LDB2: variants seen among roughly 807,000 people sequenced by gnomAD.
LDB2 encodes LIM domain-binding protein 2.
In LDB2, 12 loss-of-function variants were observed where a neutral mutation model predicts 44.3. That is an observed-to-expected ratio of 0.27 (90% CI 0.17 to 0.44). The LOEUF is 0.44. Ranked by LOEUF, LDB2 falls within the 20% of genes least tolerant of loss-of-function variation. The pLI, the probability that LDB2 is intolerant of heterozygous loss-of-function variation, is 1.00. For synonymous variants in LDB2, 164 were observed against 174.8 expected, an observed-to-expected ratio of 0.94 and a Z score of 0.49; for missense variants, 344 against 473.5, an observed-to-expected ratio of 0.73 and a Z score of 2.54.
chr4:16,560,096 T>C (rs868242994), intron 5 of LDB2, among the ~76,000 whole-genome samples: 1 of 152,114 alleles, frequency 6.6e-6, no homozygotes, highest in Non-Finnish European at 1.5e-5. Context: ...TAGCACTAAA[T>C]GCCCACAAGA....
chr4:16,867,859 T>C (rs186970888), intron 1 of LDB2, among the ~76,000 whole-genome samples: 8 of 152,282 alleles, frequency 5.3e-5, no homozygotes, highest in East Asian at 1.9e-4. Flanking sequence ...CCTATGCACA[T>C]AGAAGATATC....
intron 2 of LDB2, among the ~76,000 whole-genome samples, chr4:16,681,326 A>G (rs1460149794): frequency 1.3e-5 from 2 of 152,220 alleles, no homozygotes; most frequent in African/African-American, 4.8e-5. Context: ...ATTTAGTTCT[A>G]TAACCATAGG....
chr4:16,885,154 TAAA>T (rs57704740), intron 1 of LDB2, among the ~76,000 whole-genome samples: 8 of 94,830 alleles, frequency 8.4e-5, no homozygotes, highest in East Asian at 6.9e-4. Flanking sequence ...ATACCACTTC[TAAA>T]AAAAAAAAAA....
At chr4:16,692,836 T>C (rs934347154) in intron 2 of LDB2, among the ~76,000 whole-genome samples, 3 of 152,246 alleles carry the variant, frequency 2.0e-5, no homozygotes, top group African/African-American at 7.2e-5. Context: ...ATGCATATAC[T>C]GGCCTATATG....
chr4:16,700,542 A>G (rs988742826), intron 2 of LDB2, among the ~76,000 whole-genome samples: 5 of 152,156 alleles, frequency 3.3e-5, no homozygotes, highest in African/African-American at 1.2e-4. Flanking sequence ...ATTTTATGTT[A>G]TATTTATTCT....
intron 2 of LDB2, among the ~76,000 whole-genome samples, chr4:16,628,674 C>T (rs541791788): frequency 1.6e-4 from 25 of 152,032 alleles, no homozygotes; most frequent in African/African-American, 5.3e-4. Flanking sequence ...GTCTACAGCT[C>T]CCAGCGAGAT....
rs1201655334 is a variant in LDB2, at chr4:16,541,563, A to G, written c.616-29459T>C. Among the ~76,000 whole-genome samples the G allele has an allele frequency of 2.0e-5, 3 of 152,218 alleles. No homozygotes were observed. In the East Asian group the frequency reaches 5.8e-4, roughly 29 times the overall value. On this transcript the variant is annotated intron_variant, in intron 5 of 7. Transcript: ENST00000304523. ...ATGATTGGGGTTCCTGAATCTGTGG[A>G]TGACAGTCAAGTCTGTGTCTCCCTG...
intron 2 of LDB2, among the ~76,000 whole-genome samples, chr4:16,725,046 T>C (rs746035280): frequency 2.0e-5 from 3 of 152,174 alleles, no homozygotes; most frequent in Non-Finnish European, 2.9e-5. Context: ...AACTCCAATT[T>C]TAATAAGGAC....
At chr4:16,742,074 C>CTTT (rs33990510) in intron 2 of LDB2, among the ~76,000 whole-genome samples, 8 of 128,302 alleles carry the variant, frequency 6.2e-5, no homozygotes, top group East Asian at 4.6e-4. Flanking sequence ...CTTTTCTTTT[C>CTTT]TTTTTTTTTT....
At chr4:16,727,995 T>A (rs1011230677) in intron 2 of LDB2, among the ~76,000 whole-genome samples, 3 of 152,194 alleles carry the variant, frequency 2.0e-5, no homozygotes, top group African/African-American at 4.8e-5. Context: ...GAGCCAAGGT[T>A]TTCCGACTCA....
intron 1 of LDB2, among the ~76,000 whole-genome samples, chr4:16,890,506 A>C (rs2110511636): frequency 6.6e-6 from 1 of 152,276 alleles, no homozygotes; most frequent in African/African-American, 2.4e-5. Context: ...GAAGACTAAA[A>C]CTTCAAATTA....
intron 2 of LDB2, among the ~76,000 whole-genome samples, chr4:16,677,622 C>T (rs912327881): frequency 6.6e-6 from 1 of 152,186 alleles, no homozygotes; most frequent in Non-Finnish European, 1.5e-5. Flanking sequence ...AGATTCTAGT[C>T]AATTCCATTT....
intron 2 of LDB2, among the ~76,000 whole-genome samples, chr4:16,728,010 A>C (rs116056784): frequency 0.019 from 2,943 of 152,296 alleles, 85 homozygotes; most frequent in African/African-American, 0.067. Context: ...GACTCATCTT[A>C]CTACAATTTG....
chr4:16,527,431 G>C lies in LDB2; in HGVS notation c.616-15327C>G, dbSNP rs182864822. On this transcript the variant is annotated intron_variant, in intron 5 of 7. Coordinates refer to ENST00000304523, the MANE Select transcript of LDB2 (RefSeq NM_001290.5). ...TAATCAAAAAAATAAAAAAAAAATA[G>C]ATGTTGGCGTGGATGCGGTTGAAAA... Among the ~76,000 whole-genome samples the C allele has an allele frequency of 4.8e-4, 73 of 152,030 alleles. 2 individuals carry two copies. In the Middle Eastern group the frequency reaches 0.017, roughly 35 times the overall value.
At chr4:16,847,768 C>T (rs566599080) in intron 1 of LDB2, among the ~76,000 whole-genome samples, 5 of 152,324 alleles carry the variant, frequency 3.3e-5, no homozygotes, top group African/African-American at 1.2e-4. Flanking sequence ...AGGCGCCCGC[C>T]ACAGTGCCCA....
intron 1 of LDB2, among the ~76,000 whole-genome samples, chr4:16,797,679 T>C (rs1050870722): frequency 3.3e-5 from 5 of 152,146 alleles, no homozygotes; most frequent in Non-Finnish European, 7.3e-5. Flanking sequence ...CTGAGCTTCG[T>C]GGTTAATAAC....
intron 1 of LDB2, among the ~76,000 whole-genome samples, chr4:16,809,371 CA>C (rs749204249): frequency 6.6e-6 from 1 of 152,152 alleles, no homozygotes; most frequent in Non-Finnish European, 1.5e-5. Context: ...ATCAGTTCAA[CA>C]AACAGGTGTC....
rs550440641 is a variant in LDB2 at position 16,743,159 on chromosome 4, G to A, written c.235+15999C>T. 3.3e-5 allele frequency among the ~76,000 whole-genome samples: 5 copies of A among 152,224 alleles called. No individual in the cohort carries two copies. In the East Asian group the frequency reaches 7.8e-4, roughly 24 times the overall value. ...ACAAAAATTAGCCAGGCATGGTGAT[G>A]CAAGCCTGTAATCCCAGCTACTCAG... On this transcript the variant is annotated intron_variant, in intron 2 of 7. Transcript: ENST00000304523.
chr4:16,683,846 G>T (rs1748545939), intron 2 of LDB2, among the ~76,000 whole-genome samples: 1 of 152,320 alleles, frequency 6.6e-6, no homozygotes, highest in East Asian at 1.9e-4. Context: ...CAAAGACCCA[G>T]CTCTTCCTTC....
Sources: allele counts gnomAD v4.1 joint callset (sites outside exome capture counted in the v4.1 genomes callset), GRCh38; gene constraint gnomAD v4.1.1; transcripts MANE v1.5; gene names NCBI Gene and HGNC (gene_info 2026-07-23, HGNC 2026-07-21).